The following OXR1 variants were observed in gnomAD, a reference collection of about 807,000 sequenced individuals.
The protein encoded by OXR1 is oxidation resistance 1.
In OXR1, 41 loss-of-function variants were observed where a neutral mutation model predicts 104.6. The ratio of observed to expected loss-of-function variants is 0.39; its 90% confidence interval spans 0.31 to 0.51. OXR1 has a LOEUF of 0.51. Among genes scored for constraint, OXR1 ranks in the 20% least tolerant of loss-of-function variants. OXR1 has a pLI of 0.77. For synonymous variants in OXR1, 348 were observed against 348.4 expected, an observed-to-expected ratio of 1.00 and a Z score of 0.01; for missense variants, 955 against 1,031.9, an observed-to-expected ratio of 0.93 and a Z score of 1.02.
At chr8:106,605,186 T>A (rs570156175) in intron 3 of OXR1, 3 of 152,340 alleles carry the variant, frequency 2.0e-5, no homozygotes, top group African/African-American at 7.2e-5. Flanking sequence ...TAGAAGAGTT[T>A]GCTGTATAAT....
intron 2 of OXR1, among the ~76,000 whole-genome samples, chr8:106,484,410 C>T (rs1822323491): frequency 6.6e-6 from 1 of 151,850 alleles, no homozygotes; most frequent in Non-Finnish European, 1.5e-5. Flanking sequence ...ACATGCGCTC[C>T]ATAAACATGT....
chr8:106,481,967 A>G (rs779961033), intron 2 of OXR1, among the ~76,000 whole-genome samples: 23 of 152,048 alleles, frequency 1.5e-4, no homozygotes, highest in Non-Finnish European at 3.1e-4. Context: ...TACTGTTATC[A>G]GAAAATTGGG....
chr8:106,608,172 C>G (rs1333629587), intron 3 of OXR1, among the ~76,000 whole-genome samples: 1 of 152,060 alleles, frequency 6.6e-6, no homozygotes, highest in Non-Finnish European at 1.5e-5. Context: ...TGCCTGTAAT[C>G]CCAGCTATTC....
At chr8:106,414,544 A>G (rs1369036218) in intron 2 of OXR1, among the ~76,000 whole-genome samples, 1 of 152,180 alleles carries the variant, frequency 6.6e-6, no homozygotes, top group Non-Finnish European at 1.5e-5. Context: ...CTTCTTATCT[A>G]TACTACTTAA....
At chr8:106,402,472 A>G (rs1038563103) in intron 2 of OXR1, among the ~76,000 whole-genome samples, 4 of 152,198 alleles carry the variant, frequency 2.6e-5, no homozygotes, top group Non-Finnish European at 1.5e-5. Flanking sequence ...GAACTAGGAA[A>G]ATAACCACAA....
intron 3 of OXR1, among the ~76,000 whole-genome samples, chr8:106,628,660 C>T (rs1235888134): frequency 1.3e-5 from 2 of 152,110 alleles, no homozygotes; most frequent in African/African-American, 4.8e-5. Flanking sequence ...TTAGCTGATA[C>T]CTCACTTCTT....
intron 2 of OXR1, among the ~76,000 whole-genome samples, chr8:106,425,220 C>T (rs965348620): frequency 1.3e-5 from 2 of 149,620 alleles, no homozygotes; most frequent in African/African-American, 4.9e-5. Context: ...CCTCCTGCCT[C>T]TTTTTTCTTT....
chr8:106,454,553 G>C (rs977250540), intron 2 of OXR1, among the ~76,000 whole-genome samples: 1 of 151,550 alleles, frequency 6.6e-6, no homozygotes, highest in Non-Finnish European at 1.5e-5. Flanking sequence ...TGCAAGTTTT[G>C]ATGTCCATGT....
chr8:106,474,817 C>A (rs77921612), intron 2 of OXR1, among the ~76,000 whole-genome samples: 3,087 of 151,990 alleles, frequency 0.02, 96 homozygotes, highest in African/African-American at 0.07. Context: ...TCAGTTTCTT[C>A]ATCTGCAAAA....
chr8:106,486,393 T>C (rs1342850981), intron 2 of OXR1, among the ~76,000 whole-genome samples: 1 of 152,148 alleles, frequency 6.6e-6, no homozygotes. Flanking sequence ...GTGTGTATTC[T>C]CTCAGATATG....
intron 2 of OXR1, among the ~76,000 whole-genome samples, chr8:106,484,346 A>G (rs1315198029): frequency 2.0e-5 from 3 of 152,140 alleles, no homozygotes; most frequent in South Asian, 2.1e-4. Context: ...GGTGATGGAT[A>G]GCCCAGTTGC....
chr8:106,558,361 G>GGGTC (rs1816437468), intron 3 of OXR1, among the ~76,000 whole-genome samples: 1 of 152,164 alleles, frequency 6.6e-6, no homozygotes, highest in East Asian at 1.9e-4. Flanking sequence ...CCCTGGTACA[G>GGGTC]AATCACCACC....
At chr8:106,282,986 C>T (rs1453009010) in intron 1 of OXR1, among the ~76,000 whole-genome samples, 4 of 152,144 alleles carry the variant, frequency 2.6e-5, no homozygotes, top group Non-Finnish European at 4.4e-5. Context: ...CAGAGGGATT[C>T]GTAGATGAAG....
chr8:106,351,993 T>TAGTAGTCCCTGCCTCTCTACTCTGC (rs1437642419), intron 1 of OXR1, among the ~76,000 whole-genome samples: 1 of 152,106 alleles, frequency 6.6e-6, no homozygotes, highest in African/African-American at 2.4e-5. Flanking sequence ...TCTGACACCA[T>TAGTAGTCCCTGCCTCTCTACTCTGC]AGTAGTCCCT....
intron 11 of OXR1, among the ~76,000 whole-genome samples, chr8:106,732,509 A>G (rs1197230700): frequency 1.3e-5 from 2 of 152,012 alleles, no homozygotes; most frequent in South Asian, 2.1e-4. Context: ...TATGTGTTGT[A>G]TTAACTGAAT....
intron 3 of OXR1, among the ~76,000 whole-genome samples, chr8:106,597,219 G>A (rs1051755443): frequency 6.6e-6 from 1 of 152,024 alleles, no homozygotes; most frequent in Non-Finnish European, 1.5e-5. Context: ...GTGAGCCTTT[G>A]GGGGGGTGAT....
chr8:106,595,703 T>A (rs907408880), intron 3 of OXR1, among the ~76,000 whole-genome samples: 1 of 152,224 alleles, frequency 6.6e-6, no homozygotes, highest in African/African-American at 2.4e-5. Context: ...GGAAATAGCC[T>A]TTCTTCCTTG....
intron 1 of OXR1, among the ~76,000 whole-genome samples, chr8:106,275,114 G>A (rs1032890020): frequency 2.0e-5 from 3 of 152,168 alleles, no homozygotes; most frequent in South Asian, 4.1e-4. Flanking sequence ...GATATTTCCC[G>A]ATTGTTGAAA....
chr8:106,286,922 A>G (rs1015274831), intron 1 of OXR1, among the ~76,000 whole-genome samples: 2 of 152,222 alleles, frequency 1.3e-5, no homozygotes, highest in African/African-American at 4.8e-5. Context: ...CTAGTAACTC[A>G]GCAATAAAAG....
Sources: gnomAD v4.1 joint callset for allele counts (sites outside exome capture counted in the v4.1 genomes callset) on GRCh38, gnomAD v4.1.1 for gene constraint, MANE v1.5 for transcripts, NCBI Gene and HGNC (gene_info 2026-07-23, HGNC 2026-07-21) for gene names.